MORF4L1: variants seen among roughly 807,000 people sequenced by gnomAD.
The protein encoded by MORF4L1 is mortality factor 4 like 1.
Under a neutral mutation model 52.9 loss-of-function variants are expected in MORF4L1, and 4 were observed. That is an observed-to-expected ratio of 0.08 (90% CI 0.04 to 0.17). MORF4L1 has a LOEUF of 0.17. Ranked by LOEUF, MORF4L1 falls within the 10% of genes least tolerant of loss-of-function variation. MORF4L1 has a pLI of 1.00. For synonymous variants in MORF4L1, 123 were observed against 134.8 expected (o/e 0.91, Z 0.61); for missense variants, 214 against 390.4 (o/e 0.55, Z 3.81).
intron 8 of MORF4L1, chr15:78,892,585 A>C: frequency 3.4e-6 from 1 of 295,684 alleles, no homozygotes; most frequent in South Asian, 6.2e-5. Context: ...CGTTCTGAAA[A>C]TTCATAAAGG....
At chr15:78,874,967 C>T (rs996759803) in intron 1 of MORF4L1, among the ~76,000 whole-genome samples, 4 of 151,922 alleles carry the variant, frequency 2.6e-5, no homozygotes, top group African/African-American at 7.3e-5. Flanking sequence ...TTAGCATTTT[C>T]AGTATATTTT....
intron 3 of MORF4L1, among the ~76,000 whole-genome samples, chr15:78,881,463 T>G (rs1365764556): frequency 6.7e-6 from 1 of 150,334 alleles, no homozygotes; most frequent in East Asian, 2.0e-4. Flanking sequence ...CCCAAAGTGC[T>G]GGGATTACAG....
intron 11 of MORF4L1, among the ~76,000 whole-genome samples, chr15:78,895,368 A>T (rs74904745): frequency 2.0e-5 from 3 of 152,234 alleles, no homozygotes; most frequent in African/African-American, 7.2e-5. Context: ...ATTTACATCA[A>T]TGGCAGCACA....
rs1442664465 is a variant in MORF4L1, at chr15:78,873,073, T to G, written c.40+16T>G. ...TTCCAGGAGGGTGAGTGTGCGCCTT[T>G]GGGAAAAAGGCACCTAACGGCGCAG... On this transcript the variant is annotated intron_variant, in intron 1 of 11. Transcript: ENST00000426013. 5 of 1,550,186 alleles carry G rather than the reference T, an allele frequency of 3.2e-6. No individual in the cohort carries two copies. Among genetic ancestry groups the G allele is most frequent in the Non-Finnish European group, 4.4e-6 (5 of 1,146,374 alleles).
chr15:78,883,270 A>C (rs923313088), intron 3 of MORF4L1, among the ~76,000 whole-genome samples: 1 of 151,854 alleles, frequency 6.6e-6, no homozygotes, highest in Non-Finnish European at 1.5e-5. Context: ...CGACAAGGGA[A>C]TAGAATAAAG....
intron 1 of MORF4L1, among the ~76,000 whole-genome samples, chr15:78,875,420 C>T (rs141690584): frequency 1.3e-5 from 2 of 152,164 alleles, no homozygotes; most frequent in Admixed American, 1.3e-4. Context: ...ACATTACTTT[C>T]CAGGTGTGTT....
At chr15:78,885,055 TC>T in intron 3 of MORF4L1, 1 of 1,613,944 alleles carries the variant, frequency 6.2e-7, no homozygotes, top group Admixed American at 1.7e-5. Context: ...AGGAGCTCCC[TC>T]AGTACACCAC....
intron 2 of MORF4L1, among the ~76,000 whole-genome samples, chr15:78,879,278 G>A (rs2056555902): frequency 1.3e-5 from 2 of 151,930 alleles, no homozygotes; most frequent in Non-Finnish European, 2.9e-5. Context: ...CTGGAGTGCA[G>A]TGGTGCGATC....
intron 4 of MORF4L1, 72 bp from the exon 5 acceptor site, chr15:78,887,197 G>T: frequency 7.8e-7 from 1 of 1,284,250 alleles, no homozygotes; most frequent in Non-Finnish European, 1.1e-6. Flanking sequence ...ATTCCTAATG[G>T]AATCAGGCTG....
In MORF4L1 at chr15:78,897,143, T is replaced by G; in HGVS notation, c.*76T>G. ...CTTAGTCTATCTCTTGTACAAACGA[T>G]GTGCTTTGAAGATGTTAGTGTATAA... On this transcript the variant is annotated 3_prime_UTR_variant, in exon 12 of 12. Transcript: ENST00000426013. 6 of 1,215,850 alleles carry G rather than the reference T, an allele frequency of 4.9e-6. No individual in the cohort carries two copies. Among genetic ancestry groups the G allele is most frequent in the Non-Finnish European group, 7.2e-6 (6 of 829,536 alleles). 75.3% of individuals were successfully genotyped at this position (1,215,850 alleles called of 1,614,324 possible). A position where few individuals can be genotyped will look rare whatever the true frequency, so the allele number is the denominator to read the frequency against.
intron 7 of MORF4L1, 87 bp downstream of exon 7, chr15:78,891,659 A>C: frequency 9.1e-7 from 1 of 1,099,134 alleles, no homozygotes; most frequent in Non-Finnish European, 1.3e-6. Context: ...GATTATCTAC[A>C]AGATTTGCTT....
At chr15:78,895,037 AG>A in intron 11 of MORF4L1, 133 bp downstream of exon 11, 1 of 703,840 alleles carries the variant, frequency 1.4e-6, no homozygotes, top group South Asian at 1.7e-5. Context: ...GAGCAGTAAA[AG>A]TAAGTGCAAA....
At chr15:78,881,904 A>G (rs2056609789) in intron 3 of MORF4L1, among the ~76,000 whole-genome samples, 1 of 152,264 alleles carries the variant, frequency 6.6e-6, no homozygotes. Flanking sequence ...TTACTATGGA[A>G]GGAGTTTATT....
At chr15:78,882,081 G>A (rs1022222350) in intron 3 of MORF4L1, among the ~76,000 whole-genome samples, 6 of 152,200 alleles carry the variant, frequency 3.9e-5, no homozygotes, top group Admixed American at 3.9e-4. Flanking sequence ...TAATATAAAT[G>A]TGGAAAGGTA....
chr15:78,883,416 G>A (rs920086182), intron 3 of MORF4L1, among the ~76,000 whole-genome samples: 4 of 152,146 alleles, frequency 2.6e-5, no homozygotes, highest in East Asian at 1.9e-4. Flanking sequence ...TGTGTACAGC[G>A]CAAAGACTGG....
chr15:78,880,615 A>C, intron 3 of MORF4L1, 36 bp downstream of exon 3: 1 of 1,454,388 alleles, frequency 6.9e-7, no homozygotes, highest in South Asian at 1.2e-5. Context: ...TTTGTAATTA[A>C]CAAGATAGCT....
At chr15:78,895,503 A>G (rs2141488446) in intron 11 of MORF4L1, among the ~76,000 whole-genome samples, 1 of 152,370 alleles carries the variant, frequency 6.6e-6, no homozygotes, top group South Asian at 2.1e-4. Context: ...CCTGGTTTCT[A>G]CAAGTTTTTG....
chr15:78,885,044 A>G (rs1454859116), intron 3 of MORF4L1: 15 of 1,614,120 alleles, frequency 9.3e-6, no homozygotes, highest in Middle Eastern at 1.6e-4. Flanking sequence ...CCTGTTCCTG[A>G]AGGAGCTCCC....
At chr15:78,896,460 G>A (rs985317213) in intron 11 of MORF4L1, among the ~76,000 whole-genome samples, 3 of 151,748 alleles carry the variant, frequency 2.0e-5, no homozygotes, top group Non-Finnish European at 2.9e-5. Context: ...ACAGGCATGC[G>A]CTACCATGTC....
Sources: allele counts gnomAD v4.1 joint callset (sites outside exome capture counted in the v4.1 genomes callset), GRCh38; gene constraint gnomAD v4.1.1; transcripts MANE v1.5; gene names NCBI Gene and HGNC (gene_info 2026-07-23, HGNC 2026-07-21).